The following GRIK2 variants were observed in gnomAD, a reference collection of about 807,000 sequenced individuals.
The protein encoded by GRIK2 is glutamate receptor ionotropic, kainate 2.
GRIK2 carries 32 observed loss-of-function variants against 100.3 expected under a neutral mutation model. That is an observed-to-expected ratio of 0.32 (90% CI 0.24 to 0.43). GRIK2 has a LOEUF of 0.43. GRIK2 is among the 20% of genes least tolerant of loss of function. GRIK2 has a pLI of 1.00. For synonymous variants in GRIK2, 417 were observed against 389.4 expected (o/e 1.07, Z -0.83); for missense variants, 843 against 1,114.9 (o/e 0.76, Z 3.47).
Position 101,859,330 on chromosome 6 carries a change from A to G in GRIK2, c.1361A>G (p.Tyr454Cys). ...VLFKKSDKPL[Y>C]GNDRFEGYCI... ...TTTAAGAAGTCTGACAAACCTCTCT[A>G]TGGTAATGATCGATTTGAAGGCTAT... The change falls in exon 11 of 17, where the codon TAT becomes TGT. Residue 454 changes from tyrosine (Y) to cysteine (C), a missense_variant. This residue lies in a region of GRIK2 where 519 missense variants were observed against 643.8 expected (regional missense o/e 0.81). Transcript: ENST00000369134. The G allele has an allele frequency of 1.2e-6, 2 of 1,605,672 alleles. No homozygotes were observed. The highest frequency in any genetic ancestry group is 1.3e-5 in the African/African-American group (1 of 74,850).
intron 14 of GRIK2, among the ~76,000 whole-genome samples, chr6:101,969,236 A>G (rs1792885564): frequency 1.3e-5 from 2 of 152,026 alleles, no homozygotes; most frequent in African/African-American, 4.8e-5. Flanking sequence ...TTGTATTAAT[A>G]TTCTACACAG....
At chr6:101,910,524 C>T (rs935216896) in intron 12 of GRIK2, among the ~76,000 whole-genome samples, 2 of 151,012 alleles carry the variant, frequency 1.3e-5, no homozygotes, top group African/African-American at 4.9e-5. Flanking sequence ...CAAGTGTTAG[C>T]AATGTATAAT....
At chr6:101,922,753 G>T (rs1168918635) in intron 12 of GRIK2, among the ~76,000 whole-genome samples, 4 of 152,140 alleles carry the variant, frequency 2.6e-5, no homozygotes, top group Non-Finnish European at 5.9e-5. Flanking sequence ...GCCCGTTCAT[G>T]ATCTAACCAC....
chr6:101,884,745 TTCTC>T (rs1310231492), intron 11 of GRIK2, among the ~76,000 whole-genome samples: 2 of 151,904 alleles, frequency 1.3e-5, no homozygotes, highest in African/African-American at 4.8e-5. Context: ...CAATTAAAAA[TTCTC>T]TGAGTGGTTT....
intron 7 of GRIK2, among the ~76,000 whole-genome samples, chr6:101,732,203 T>C (rs913675180): frequency 6.6e-6 from 1 of 152,064 alleles, no homozygotes; most frequent in East Asian, 1.9e-4. Context: ...TCAATTGATC[T>C]AGTCCTTTGG....
At chr6:101,451,944 T>C (rs1427877851) in intron 2 of GRIK2, among the ~76,000 whole-genome samples, 2 of 151,774 alleles carry the variant, frequency 1.3e-5, no homozygotes, top group East Asian at 3.9e-4. Context: ...TATTCACTAG[T>C]ACTAAAACTA....
chr6:101,419,910 G>T (rs1274674083), intron 2 of GRIK2, among the ~76,000 whole-genome samples: 1 of 152,188 alleles, frequency 6.6e-6, no homozygotes, highest in Non-Finnish European at 1.5e-5. Context: ...ATGAGACATT[G>T]CTCTTCTCAG....
intron 7 of GRIK2, among the ~76,000 whole-genome samples, chr6:101,721,521 C>G (rs1260829505): frequency 6.6e-6 from 1 of 151,966 alleles, no homozygotes; most frequent in African/African-American, 2.4e-5. Flanking sequence ...GATTGTACCC[C>G]TGCACTCCAG....
At chr6:101,465,279 A>G (rs1015136217) in intron 2 of GRIK2, among the ~76,000 whole-genome samples, 3 of 151,962 alleles carry the variant, frequency 2.0e-5, no homozygotes, top group African/African-American at 7.3e-5. Context: ...AAACCTTCCC[A>G]TCCTTCCAAG....
chr6:101,901,599 TAATAAG>T (rs1241791708), intron 12 of GRIK2, among the ~76,000 whole-genome samples: 9 of 151,878 alleles, frequency 5.9e-5, no homozygotes, highest in African/African-American at 1.4e-4. Context: ...TAACTTTAAG[TAATAAG>T]AATAAGTCAT....
intron 15 of GRIK2, among the ~76,000 whole-genome samples, chr6:102,042,604 T>A (rs1198440235): frequency 1.3e-5 from 2 of 151,578 alleles, no homozygotes; most frequent in Admixed American, 6.6e-5. Context: ...AATTTTAGGG[T>A]TCTTAATGAT....
chr6:101,662,298 A>G (rs1408811638), intron 4 of GRIK2, among the ~76,000 whole-genome samples: 2 of 152,194 alleles, frequency 1.3e-5, no homozygotes, highest in Admixed American at 6.5e-5. Context: ...AAACAGAAAC[A>G]CTAAGAAGAA....
intron 2 of GRIK2, among the ~76,000 whole-genome samples, chr6:101,517,431 T>C (rs1223394281): frequency 1.3e-5 from 2 of 152,186 alleles, no homozygotes; most frequent in Middle Eastern, 3.2e-3. Context: ...CCGTAGACTA[T>C]AGAGACATCT....
At chr6:101,432,040 T>A (rs1390266611) in intron 2 of GRIK2, among the ~76,000 whole-genome samples, 1 of 152,172 alleles carries the variant, frequency 6.6e-6, no homozygotes, top group African/African-American at 2.4e-5. Context: ...TTTAAAGAAA[T>A]TAATACTCTT....
intron 11 of GRIK2, among the ~76,000 whole-genome samples, chr6:101,875,486 A>G (rs1374453417): frequency 4.6e-5 from 7 of 151,928 alleles, no homozygotes; most frequent in African/African-American, 1.7e-4. Flanking sequence ...AAGATGTTAC[A>G]GTGCAATTGA....
chr6:101,652,729 G>A (rs1312933677), intron 4 of GRIK2, among the ~76,000 whole-genome samples: 1 of 152,168 alleles, frequency 6.6e-6, no homozygotes, highest in Admixed American at 6.6e-5. Context: ...GTGACCAACT[G>A]TAACAATACA....
chr6:101,586,221 GTC>G (rs1306458732), intron 2 of GRIK2, among the ~76,000 whole-genome samples: 1 of 151,728 alleles, frequency 6.6e-6, no homozygotes, highest in Admixed American at 6.6e-5. Context: ...AAATAGATGA[GTC>G]TTCCATGGAA....
At chr6:102,065,433 A>G (rs545273204) in intron 16 of GRIK2, among the ~76,000 whole-genome samples, 6 of 151,400 alleles carry the variant, frequency 4.0e-5, no homozygotes, top group African/African-American at 1.4e-4. Flanking sequence ...CACAGAGTTT[A>G]CCTCTTAAAT....
At chr6:101,760,847 A>G (rs917143097) in intron 7 of GRIK2, among the ~76,000 whole-genome samples, 1 of 149,410 alleles carries the variant, frequency 6.7e-6, no homozygotes, top group Admixed American at 6.8e-5. Flanking sequence ...CAATCTATGA[A>G]AAGTTAACAC....
Sources: gnomAD v4.1 joint callset for allele counts (sites outside exome capture counted in the v4.1 genomes callset) on GRCh38, gnomAD v4.1.1 for gene constraint, gnomAD v4.1.1 regional missense constraint, MANE v1.5 for transcripts, NCBI Gene and HGNC (gene_info 2026-07-23, HGNC 2026-07-21) for gene names.